AQP9: variants seen among roughly 807,000 people sequenced by gnomAD.
AQP9 encodes aquaporin-9.
A neutral mutation model predicts 23.8 loss-of-function variants in AQP9; 19 were observed. The observed-to-expected ratio is 0.80, with a 90% CI of 0.56 to 1.17. The LOEUF is 1.17. Ranked by LOEUF, AQP9 falls within the 50% of genes most tolerant of loss-of-function variation. AQP9 has a pLI of 0.00. For synonymous variants in AQP9, 153 were observed against 131.5 expected (o/e 1.16, Z -1.12); for missense variants, 413 against 362.0 (o/e 1.14, Z -1.14).
At chr15:58,176,852 G>A (rs1332722919) in intron 4 of AQP9, among the ~76,000 whole-genome samples, 1 of 151,936 alleles carries the variant, frequency 6.6e-6, no homozygotes, top group Non-Finnish European at 1.5e-5. Flanking sequence ...CTCATAATCC[G>A]CCTGCCTAAG....
At chr15:58,150,566 T>C (rs1384538072) in intron 1 of AQP9, 2 of 152,552 alleles carry the variant, frequency 1.3e-5, no homozygotes, top group Admixed American at 6.5e-5. Context: ...ATGAGGATCC[T>C]ACTCTTTTAG....
chr15:58,164,304 C>G (rs1449661502), intron 1 of AQP9, among the ~76,000 whole-genome samples: 2 of 152,154 alleles, frequency 1.3e-5, no homozygotes, highest in African/African-American at 4.8e-5. Flanking sequence ...ATTTAGAAAG[C>G]ATTAATAGCT....
chr15:58,162,148 A>G (rs1711052), intron 1 of AQP9, among the ~76,000 whole-genome samples: 1 of 152,214 alleles, frequency 6.6e-6, no homozygotes, highest in Non-Finnish European at 1.5e-5. Flanking sequence ...AATGTGATAC[A>G]CAAATATGGG....
In AQP9 at chr15:58,182,343, T is replaced by C. The variant is rs145070751; in HGVS notation, c.714-1618T>C. Among the ~76,000 whole-genome samples the C allele has an allele frequency of 5.1e-3, 776 of 152,272 alleles. 6 individuals carry two copies. The highest frequency in any genetic ancestry group is 0.017 in the African/African-American group (722 of 41,564). On this transcript the variant is annotated intron_variant, in intron 5 of 5. Coordinates refer to ENST00000219919, the MANE Select transcript of AQP9 (RefSeq NM_020980.5). ...AATCATAGTGTGCAAATGATCACTA[T>C]TTGTGTGCATATAGGACTAGGCTAG...
intron 1 of AQP9, among the ~76,000 whole-genome samples, chr15:58,143,834 A>G (rs537500755): frequency 6.6e-6 from 1 of 152,234 alleles, no homozygotes; most frequent in South Asian, 2.1e-4. Flanking sequence ...CATGTTCACG[A>G]GTTTCTCTGG....
chr15:58,138,655 C>A lies in AQP9; in HGVS notation c.90C>A (p.Phe30Leu). 1 of 1,613,730 alleles carries A rather than the reference C, an allele frequency of 6.2e-7. No homozygotes were observed. Among genetic ancestry groups the A allele is most frequent in the Non-Finnish European group, 8.5e-7 (1 of 1,179,694 alleles). Residue 30 changes from phenylalanine (F) to leucine (L), a missense_variant, in exon 1 of 6, where the codon TTC becomes TTA. Transcript: ENST00000219919. ...SSLAKETLSE[F>L]LGTFILIVLG... ...TAGCGAAAGAAACCCTCTCTGAGTTCTTGGGCACGTTCATCTTGATTGTAA... is the reference window on the plus strand; with the variant it reads ...TAGCGAAAGAAACCCTCTCTGAGTTATTGGGCACGTTCATCTTGATTGTAA...
At chr15:58,148,189 G>C (rs1238729244) in intron 1 of AQP9, among the ~76,000 whole-genome samples, 1 of 152,072 alleles carries the variant, frequency 6.6e-6, no homozygotes, top group Non-Finnish European at 1.5e-5. Context: ...AAAAACACTA[G>C]TTCCAAAAGA....
intron 4 of AQP9, among the ~76,000 whole-genome samples, chr15:58,177,772 T>G (rs1316798615): frequency 6.6e-6 from 1 of 152,192 alleles, no homozygotes; most frequent in Admixed American, 6.5e-5. Flanking sequence ...AAATAATAGC[T>G]ATCATTTAAC....
At chr15:58,167,329 A>C (rs1898531364) in intron 2 of AQP9, among the ~76,000 whole-genome samples, 1 of 152,224 alleles carries the variant, frequency 6.6e-6, no homozygotes, top group South Asian at 2.1e-4. Flanking sequence ...CAAAAGCAAA[A>C]TGAAATGATA....
chr15:58,171,488 GC>G (rs1898620547), intron 2 of AQP9, among the ~76,000 whole-genome samples: 1 of 152,140 alleles, frequency 6.6e-6, no homozygotes, highest in South Asian at 2.1e-4. Flanking sequence ...TGCCCTGTGT[GC>G]CCCCTCCTCC....
intron 1 of AQP9, among the ~76,000 whole-genome samples, chr15:58,140,216 C>G (rs1278362643): frequency 7.5e-6 from 1 of 133,702 alleles, no homozygotes; most frequent in Non-Finnish European, 1.6e-5. Flanking sequence ...TTTTTTTTTG[C>G]AACCAAAAAG....
At chr15:58,141,720 G>A (rs1373057453) in intron 1 of AQP9, among the ~76,000 whole-genome samples, 1 of 152,096 alleles carries the variant, frequency 6.6e-6, no homozygotes, top group Non-Finnish European at 1.5e-5. Flanking sequence ...TCCTTGCTGG[G>A]GTCACAGAGT....
chr15:58,184,343 A>T lies in AQP9; in HGVS notation c.*208A>T. 3.9e-6 allele frequency: 2 copies of T among 511,062 alleles called. No individual in the cohort carries two copies. The highest frequency in any genetic ancestry group is 6.4e-5 in the East Asian group (2 of 31,184). 31.7% of individuals were successfully genotyped at this position (511,062 alleles called of 1,614,324 possible). A position where few individuals can be genotyped will look rare whatever the true frequency, so the allele number is the denominator to read the frequency against. On this transcript the variant is annotated 3_prime_UTR_variant, in exon 6 of 6. Transcript: ENST00000219919. The stretch of plus-strand genomic sequence containing the variant: ...ATTGTCCCCCACCCCCACCCCCCAG[A>T]ATAACGCTGACTGTCCCCTGAAACA...
Position 58,179,301 on chromosome 15 carries a change from C to G in AQP9, c.669C>G (p.Pro223=). 1 of 1,614,008 alleles carries G rather than the reference C, an allele frequency of 6.2e-7. No homozygotes were observed. The highest frequency in any genetic ancestry group is 8.5e-7 in the Non-Finnish European group (1 of 1,179,978). Residue 223 remains proline (P), a synonymous_variant, in exon 5 of 6, where the codon CCC becomes CCG. Transcript: ENST00000219919. ...TGAACCCAGCTCGAGACCTGAGTCC[C>G]AGACTTTTCACTGCCTTGGCAGGCT... ...CAMNPARDLS[P]RLFTALAGWG...
chr15:58,170,907 G>C (rs1230219527), intron 2 of AQP9, among the ~76,000 whole-genome samples: 1 of 151,980 alleles, frequency 6.6e-6, no homozygotes. Flanking sequence ...TGGACTGGAG[G>C]TGATCACTTA....
rs1032770037 is a variant in AQP9 at position 58,179,437 on chromosome 15, G to C, written c.713+92G>C. ...TGACATGGAGATCCAGGGAAGTTCA[G>C]ATGACAGCGCCAACGTTAACTGCAC... is the stretch of plus-strand genomic sequence containing the variant. On this transcript the variant is annotated intron_variant, in intron 5 of 5. Transcript: ENST00000219919. 4 of 1,192,722 alleles carry C rather than the reference G, an allele frequency of 3.4e-6. No individual in the cohort carries two copies. In the East Asian group the frequency reaches 7.7e-5, roughly 23 times the overall value. The allele number at this position is 1,192,722 out of a possible 1,614,324, so 73.9% of individuals were successfully genotyped here. A position where few individuals can be genotyped will look rare whatever the true frequency, so the allele number is the denominator to read the frequency against.
chr15:58,179,432 G>A (rs1898834136), intron 5 of AQP9, 87 bp downstream of exon 5: 1 of 1,263,520 alleles, frequency 7.9e-7, no homozygotes, highest in African/African-American at 1.5e-5. Context: ...ATCCAGGGAA[G>A]TTCAGATGAC....
At chr15:58,165,071 T>C (rs1168006414) in intron 1 of AQP9, among the ~76,000 whole-genome samples, 1 of 152,170 alleles carries the variant, frequency 6.6e-6, no homozygotes, top group Non-Finnish European at 1.5e-5. Context: ...CTAAATAGTA[T>C]GTATTGCTCA....
intron 3 of AQP9, among the ~76,000 whole-genome samples, chr15:58,173,935 A>T (rs1898682303): frequency 1.3e-5 from 2 of 152,096 alleles, no homozygotes. Flanking sequence ...ATTATGACTT[A>T]CCCAAACTGA....
Sources: allele counts gnomAD v4.1 joint callset (sites outside exome capture counted in the v4.1 genomes callset), GRCh38; gene constraint gnomAD v4.1.1; transcripts MANE v1.5; gene names NCBI Gene and HGNC (gene_info 2026-07-23, HGNC 2026-07-21).